The following FBXW11 variants were observed in gnomAD, a reference collection of about 807,000 sequenced individuals.
The protein encoded by FBXW11 is F-box/WD repeat-containing protein 11.
A neutral mutation model predicts 77.6 loss-of-function variants in FBXW11; 19 were observed. That is an observed-to-expected ratio of 0.24 (90% confidence interval 0.17 to 0.36). The LOEUF (loss-of-function observed/expected upper bound fraction) is 0.36. Ranked by LOEUF, FBXW11 falls within the 10% of genes least tolerant of loss-of-function variation. The pLI is 1.00. For missense variants in FBXW11, 334 were observed against 704.2 expected, an observed-to-expected ratio of 0.47 and a Z score of 5.95; for synonymous variants, 235 against 249.4, an observed-to-expected ratio of 0.94 and a Z score of 0.54.
intron 2 of FBXW11, among the ~76,000 whole-genome samples, chr5:171,916,706 G>C (rs1761279665): frequency 6.6e-6 from 1 of 152,126 alleles, no homozygotes. Flanking sequence ...TAGTTACAAA[G>C]CCGTCTTGCA....
rs964209171 is a variant in FBXW11 at position 171,869,641 on chromosome 5, C to G, written c.1530+88G>C. The G allele has an allele frequency of 5.4e-6, 5 of 918,954 alleles. No homozygotes were observed. The highest frequency in any genetic ancestry group is 7.9e-6 in the Non-Finnish European group (5 of 629,656). The allele number at this position is 918,954 out of a possible 1,614,324, so 56.9% of individuals were successfully genotyped here. On this transcript the variant is annotated intron_variant, in intron 12 of 13. Transcript: ENST00000517395. The surrounding 1 kb of genome is among the most constrained non-coding windows in gnomAD (Gnocchi z 4.1). ...GAAGGCATCTTGTGAGACACACAAG[C>G]GTTCCTGTGATACACCTAGACAGGA...
chr5:171,870,093 T>C (rs1395105182), intron 11 of FBXW11, among the ~76,000 whole-genome samples: 2 of 152,204 alleles, frequency 1.3e-5, no homozygotes, highest in Non-Finnish European at 2.9e-5. Context: ...ATAACCTATG[T>C]CACCAAATTC....
At position 171,862,432 on chromosome 5, in the gene FBXW11, A is replaced by AG. The variant is rs58653367; in HGVS notation, c.*1694dup. ...CAATGCAAAGGACAAATCAGAGCCC[A>AG]GGGCCTTCCCTTTAGTAGTAGAGTG... On this transcript the variant is annotated 3_prime_UTR_variant, in exon 14 of 14. Coordinates refer to ENST00000517395, the MANE Select transcript of FBXW11 (RefSeq NM_001378974.1). 152,765 of 152,790 alleles carry AG rather than the reference A, an allele frequency of 1. 76,370 individuals are homozygous for AG. The highest frequency in any genetic ancestry group is 1 in the Middle Eastern group (294 of 294). 9.5% of individuals were successfully genotyped at this position (152,790 alleles called of 1,614,324 possible). A position where few individuals can be genotyped will look rare whatever the true frequency, so the allele number is the denominator to read the frequency against.
Position 171,914,328 on chromosome 5 carries a change from C to T in FBXW11, c.210+15G>A, listed in dbSNP as rs202016926. ...TAAGTCAGTTGCTATCTAATCTGTG[C>T]GCCGTCATTCCTACCTGCCAAAGAG... On this transcript the variant is annotated intron_variant, in intron 3 of 13. Coordinates refer to ENST00000517395, the MANE Select transcript of FBXW11 (RefSeq NM_001378974.1). The T allele has an allele frequency of 4.4e-4, 710 of 1,596,360 alleles. 1 individual carries two copies. Among genetic ancestry groups the T allele is most frequent in the Non-Finnish European group, 5.7e-4 (667 of 1,170,862 alleles).
chr5:171,931,848 CCTCCCTCCCTCCCTCTCT>C (rs1173950272), intron 2 of FBXW11, among the ~76,000 whole-genome samples: 1 of 11,770 alleles, frequency 8.5e-5, no homozygotes, highest in Non-Finnish European at 1.6e-4. Flanking sequence ...TCCCTCCCTC[CCTCCCTCCCTCCCTCTCT>C]CTCTCTCTCT....
At chr5:171,868,574 A>G (rs1757561592) in intron 13 of FBXW11, 36 bp downstream of exon 13, 2 of 1,529,732 alleles carry the variant, frequency 1.3e-6, no homozygotes, top group Admixed American at 4.1e-5. Context: ...GGTGAATTCA[A>G]TCAGCAAAAT....
intron 2 of FBXW11, among the ~76,000 whole-genome samples, chr5:171,956,865 A>G (rs1763639538): frequency 6.6e-6 from 1 of 152,384 alleles, no homozygotes; most frequent in Non-Finnish European, 1.5e-5. Flanking sequence ...AAATAAAGCT[A>G]CAATGTTTTC....
intron 6 of FBXW11, among the ~76,000 whole-genome samples, chr5:171,896,183 A>T (rs1331476479): frequency 6.6e-6 from 1 of 152,156 alleles, no homozygotes; most frequent in African/African-American, 2.4e-5. Context: ...GAACGTACAG[A>T]TTACAGGAGC....
In FBXW11 at chr5:171,901,671, T is replaced by C. The variant is rs182013518; in HGVS notation, c.437-1571A>G. Reference sequence around the variant, plus strand: ...GTCATATCACAGAAGACGCCTAAGATGGCAGTAAGTTAGAATAAAATCCCA... The same window carrying C: ...GTCATATCACAGAAGACGCCTAAGACGGCAGTAAGTTAGAATAAAATCCCA... On this transcript the variant is annotated intron_variant, in intron 4 of 13. Coordinates refer to ENST00000517395, the MANE Select transcript of FBXW11 (RefSeq NM_001378974.1). 2.6e-5 allele frequency among the ~76,000 whole-genome samples: 4 copies of C among 152,330 alleles called. No individual in the cohort carries two copies. In the East Asian group the frequency reaches 7.7e-4, roughly 29 times the overall value.
chr5:171,944,886 T>C (rs1386984127), intron 2 of FBXW11, among the ~76,000 whole-genome samples: 1 of 152,216 alleles, frequency 6.6e-6, no homozygotes, highest in Non-Finnish European at 1.5e-5. Context: ...TTATACCAGA[T>C]AATCCTAACC....
chr5:171,943,945 G>A (rs1177432206), intron 2 of FBXW11, among the ~76,000 whole-genome samples: 1 of 152,056 alleles, frequency 6.6e-6, no homozygotes, highest in African/African-American at 2.4e-5. Context: ...AAACACTCCG[G>A]GAAACAATTT....
intron 1 of FBXW11, among the ~76,000 whole-genome samples, chr5:171,975,138 G>GT (rs1363567901): frequency 6.6e-6 from 1 of 152,150 alleles, no homozygotes; most frequent in East Asian, 1.9e-4. Flanking sequence ...AGAGTCAGCT[G>GT]TTTAAATGGC....
chr5:171,896,987 A>T (rs1759783707), intron 6 of FBXW11, among the ~76,000 whole-genome samples: 1 of 152,172 alleles, frequency 6.6e-6, no homozygotes, highest in African/African-American at 2.4e-5. Flanking sequence ...GGAGTAAAAA[A>T]AAATCTATTT....
Position 171,882,687 on chromosome 5 carries a change from T to C in FBXW11, c.853-4558A>G, listed in dbSNP as rs1205797527. ...AATTATGTTATGTAACCTTAAAGTA[T>C]TTAGGAATTTTTCCAGCTTCTTTTT... On this transcript the variant is annotated intron_variant, in intron 7 of 13. Transcript: ENST00000517395. 1.2e-4 allele frequency among the ~76,000 whole-genome samples: 11 copies of C among 89,550 alleles called. No homozygotes were observed. In the South Asian group the frequency reaches 6.5e-3, roughly 53 times the overall value. The allele number at this position is 89,550 out of a possible 152,430, so 58.7% of individuals were successfully genotyped here.
At chr5:171,946,747 C>T (rs575716325) in intron 2 of FBXW11, among the ~76,000 whole-genome samples, 1 of 150,746 alleles carries the variant, frequency 6.6e-6, no homozygotes, top group South Asian at 2.1e-4. Flanking sequence ...TCTTGGGGTG[C>T]TCTATTCCCC....
rs1469470660 is a variant in FBXW11 at position 171,869,738 on chromosome 5, G to A, written c.1521C>T (p.Arg507=). 1 of 1,609,486 alleles carries A rather than the reference G, an allele frequency of 6.2e-7. No individual in the cohort carries two copies. Residue 507 remains arginine (R), a synonymous_variant, in exon 12 of 14, where the codon CGC becomes CGT. Transcript: ENST00000517395. This position sits in a 1 kb window ranked among gnomAD's most constrained non-coding sequence, Gnocchi z 4.1. The stretch of plus-strand genomic sequence containing the variant: ...TCAAGAGATCACATACCACCAATGT[G>A]CGCAAACACAATGTGCTTGCTGGGG... The part of the protein sequence containing the change: ...PRAPASTLCL[R]TLVEHSGRVF...
chr5:171,885,860 C>T (rs1042645606), intron 7 of FBXW11, among the ~76,000 whole-genome samples: 8 of 152,194 alleles, frequency 5.3e-5, no homozygotes, highest in African/African-American at 1.9e-4. Context: ...CTTTTAACTT[C>T]TGACCTAATG....
At chr5:171,988,332 AAAAC>A (rs141549054) in intron 1 of FBXW11, among the ~76,000 whole-genome samples, 3,499 of 152,206 alleles carry the variant, frequency 0.023, 128 homozygotes, top group African/African-American at 0.079. Context: ...AAGCCAAGGG[AAAAC>A]AAACAAACAA....
At chr5:171,898,131 T>C (rs1420480396) in intron 6 of FBXW11, among the ~76,000 whole-genome samples, 2 of 152,204 alleles carry the variant, frequency 1.3e-5, no homozygotes, top group African/African-American at 4.8e-5. Flanking sequence ...ATTATTCACA[T>C]CTGCCTGGAA....
Sources: allele counts gnomAD v4.1 joint callset (sites outside exome capture counted in the v4.1 genomes callset), GRCh38; gene constraint gnomAD v4.1.1; non-coding constraint Gnocchi (gnomAD v3.1); transcripts MANE v1.5; gene names NCBI Gene and HGNC (gene_info 2026-07-23, HGNC 2026-07-21).